The following PLEKHS1 variants were observed in gnomAD, a reference collection of about 807,000 sequenced individuals.
PLEKHS1 encodes the protein pleckstrin homology domain-containing family S member 1.
PLEKHS1 carries 55 observed loss-of-function variants against 51.0 expected under a neutral mutation model. The observed-to-expected ratio is 1.08, with a 90% CI of 0.87 to 1.35. PLEKHS1 has a LOEUF of 1.35. PLEKHS1 is among the 40% of genes most tolerant of loss of function. The pLI is 0.00. For synonymous variants in PLEKHS1, 153 were observed against 144.8 expected (o/e 1.06, Z -0.41); for missense variants, 398 against 423.0 (o/e 0.94, Z 0.52).
exon 7 of PLEKHS1, chr10:113,769,845 C>G: frequency 6.2e-7 from 1 of 1,614,088 alleles, no homozygotes; most frequent in South Asian, 1.1e-5. Flanking sequence ...CTTGGCCCTT[C>G]CAGCACATCA....
At chr10:113,780,951 C>T (rs3750899) in exon 12 of PLEKHS1, 254,007 of 647,428 alleles carry the variant, frequency 0.39, 50,833 homozygotes, top group South Asian at 0.5. Flanking sequence ...ATCAGAGATG[C>T]TAAGAGGGTC....
chr10:113,780,991 T>C (rs1271773847), exon 12 of PLEKHS1: 11 of 567,012 alleles, frequency 1.9e-5, no homozygotes, highest in African/African-American at 5.6e-5. Context: ...CCTGGGGGAA[T>C]TGGAAGGCCT....
chr10:113,778,027 T>G, intron 11 of PLEKHS1: 1 of 285,304 alleles, frequency 3.5e-6, no homozygotes, highest in South Asian at 4.2e-5. Context: ...TAATATTATA[T>G]GGGTATGCAC....
chr10:113,763,015 T>G (rs148612479), intron 2 of PLEKHS1, among the ~76,000 whole-genome samples: 1 of 152,200 alleles, frequency 6.6e-6, no homozygotes, highest in East Asian at 1.9e-4. Flanking sequence ...TTAGCACTAT[T>G]TGTTCTATCA....
At chr10:113,759,453 C>G (rs1045116544) in intron 2 of PLEKHS1, among the ~76,000 whole-genome samples, 1 of 152,162 alleles carries the variant, frequency 6.6e-6, no homozygotes, top group Non-Finnish European at 1.5e-5. Flanking sequence ...ACACCCAATC[C>G]CAGTCCCCAT....
intron 11 of PLEKHS1, among the ~76,000 whole-genome samples, chr10:113,778,407 T>C (rs1316259400): frequency 2.0e-5 from 3 of 151,604 alleles, no homozygotes; most frequent in Non-Finnish European, 2.9e-5. Flanking sequence ...AAAACCATTG[T>C]ATTAGATGAT....
intron 11 of PLEKHS1, 131 bp from the exon 13 acceptor site, chr10:113,780,471 C>A (rs1335449564): frequency 8.4e-6 from 7 of 835,766 alleles, no homozygotes; most frequent in Non-Finnish European, 1.1e-5. Flanking sequence ...TATTTCTGGC[C>A]CAGATATTAC....
chr10:113,753,551 G>T (rs534886308), intron 1 of PLEKHS1, among the ~76,000 whole-genome samples: 1 of 152,220 alleles, frequency 6.6e-6, no homozygotes, highest in South Asian at 2.1e-4. Flanking sequence ...AAGGGCACCG[G>T]TTCTTCAACA....
chr10:113,781,289 AAACACCTCCTTCCCAACACCTCCTTCCCC>A, exon 12 of PLEKHS1: 1 of 57,904 alleles, frequency 1.7e-5, no homozygotes, highest in African/African-American at 6.5e-5. Flanking sequence ...CCTCCTTCCC[AAACACCTCCTTCCCAACACCTCCTTCCCC>A]AACACCTCCT....
At chr10:113,753,623 C>G (rs1395414454) in intron 1 of PLEKHS1, among the ~76,000 whole-genome samples, 2 of 152,078 alleles carry the variant, frequency 1.3e-5, no homozygotes, top group Non-Finnish European at 2.9e-5. Flanking sequence ...TGTGATTATA[C>G]AGGATACCTC....
intron 5 of PLEKHS1, among the ~76,000 whole-genome samples, chr10:113,768,526 G>A (rs914893094): frequency 6.6e-6 from 1 of 152,156 alleles, no homozygotes; most frequent in Non-Finnish European, 1.5e-5. Context: ...GCTTGCTTGA[G>A]AACACAAAGG....
intron 8 of PLEKHS1, among the ~76,000 whole-genome samples, chr10:113,772,405 T>C (rs886341118): frequency 2.6e-5 from 4 of 151,910 alleles, no homozygotes; most frequent in Non-Finnish European, 5.9e-5. Flanking sequence ...TGAGTAAAAT[T>C]TGGATGTGGG....
At chr10:113,755,195 T>C in intron 1 of PLEKHS1, 64 bp from the exon 2 acceptor site, 7 of 1,509,538 alleles carry the variant, frequency 4.6e-6, no homozygotes, top group Non-Finnish European at 6.2e-6. Context: ...TGACCAGCGG[T>C]GGCTGGTCAA....
At chr10:113,779,569 C>CAAAAAA (rs566568556) in intron 11 of PLEKHS1, among the ~76,000 whole-genome samples, 81 of 111,592 alleles carry the variant, frequency 7.3e-4, no homozygotes, top group African/African-American at 2.6e-3. Context: ...GACTCTGTCT[C>CAAAAAA]AAAAAAAAAA....
intron 8 of PLEKHS1, among the ~76,000 whole-genome samples, chr10:113,773,557 C>A (rs2134558850): frequency 6.6e-6 from 1 of 151,976 alleles, no homozygotes; most frequent in South Asian, 2.1e-4. Flanking sequence ...TTTCAGTAGG[C>A]CGAAAGGAAA....
intron 4 of PLEKHS1, among the ~76,000 whole-genome samples, chr10:113,767,134 T>C (rs1316726389): frequency 1.3e-5 from 2 of 152,206 alleles, no homozygotes; most frequent in Non-Finnish European, 1.5e-5. Flanking sequence ...CCAATTAAAA[T>C]AGAAATTTTT....
intron 2 of PLEKHS1, chr10:113,765,181 A>T (rs1844106451): frequency 2.1e-6 from 1 of 465,418 alleles, no homozygotes; most frequent in African/African-American, 2.0e-5. Flanking sequence ...TATTCCTATG[A>T]ATCTTGAGCT....
In PLEKHS1 at chr10:113,756,334, G is replaced by A. The variant is rs147506541; in HGVS notation, c.28+1029G>A. 2.2e-4 allele frequency among the ~76,000 whole-genome samples: 34 copies of A among 152,138 alleles called. No individual in the cohort carries two copies. The East Asian group carries it at 5.2e-3, about 23-fold the overall frequency. ...TACAAAAATTTGCTGGGCGTGGTGC[G>A]CCTGTAATCCCAGCTAATCAAGAGG... On this transcript the variant is annotated intron_variant, in intron 2 of 11. Transcript: ENST00000361048.
At chr10:113,761,384 C>A (rs193114689) in intron 2 of PLEKHS1, among the ~76,000 whole-genome samples, 1 of 152,182 alleles carries the variant, frequency 6.6e-6, no homozygotes, top group East Asian at 1.9e-4. Context: ...GTATTTATAT[C>A]TTAACAGTAT....
Sources: gnomAD v4.1 joint callset for allele counts (sites outside exome capture counted in the v4.1 genomes callset) on GRCh38, gnomAD v4.1.1 for gene constraint, MANE v1.5 for transcripts, NCBI Gene and HGNC (gene_info 2026-07-23, HGNC 2026-07-21) for gene names.